Variants in SEMA3C observed in about 807,000 individuals in gnomAD.
The protein encoded by SEMA3C is semaphorin-3C.
In SEMA3C, 47 loss-of-function variants were observed where a neutral mutation model predicts 89.4. The observed-to-expected ratio is 0.53, with a 90% CI of 0.42 to 0.67. SEMA3C has a LOEUF of 0.67. SEMA3C is among the 30% of genes least tolerant of loss of function. The pLI is 0.00. For synonymous variants in SEMA3C, 310 were observed against 320.2 expected (o/e 0.97, Z 0.34); for missense variants, 839 against 929.1 (o/e 0.90, Z 1.26).
At chr7:80,919,162 A>C (rs1254888877), upstream of SEMA3C, 14 of 984,346 alleles carry the variant, frequency 1.4e-5, no homozygotes, top group African/African-American at 3.5e-5. Context: ...TCGCATCACC[A>C]CCGCGCAGCC....
intron 2 of SEMA3C, among the ~76,000 whole-genome samples, chr7:80,834,878 G>A (rs1382746931): frequency 6.6e-6 from 1 of 152,108 alleles, no homozygotes; most frequent in East Asian, 1.9e-4. Context: ...TTAATGCTAT[G>A]TAAATAGTTG....
rs796366343 is a variant in SEMA3C at position 80,754,963 on chromosome 7, T to TTTTTGTTTTTTTTGTTTTTTG, written c.1643+3367_1643+3368insCAAAAAACAAAAAAAACAAAA. On this transcript the variant is annotated intron_variant, in intron 15 of 17. Coordinates refer to ENST00000265361, the MANE Select transcript of SEMA3C (RefSeq NM_006379.5). The stretch of plus-strand genomic sequence containing the variant: ...TGGCGAATTGTTTTTTTTTGTTTTT[T>TTTTTGTTTTTTTTGTTTTTTG]TTTTTTTTGTATTTTTAGTAGAGAT... Among the ~76,000 whole-genome samples, 18 of 131,164 alleles carry TTTTTGTTTTTTTTGTTTTTTG rather than the reference T, an allele frequency of 1.4e-4. 2 individuals are homozygous for TTTTTGTTTTTTTTGTTTTTTG. In the South Asian group the frequency reaches 4.3e-3, roughly 31 times the overall value. The allele number at this position is 131,164 out of a possible 152,430, so 86.0% of individuals were successfully genotyped here. A position where few individuals can be genotyped will look rare whatever the true frequency, so the allele number is the denominator to read the frequency against.
intron 13 of SEMA3C, 22 bp downstream of exon 13, chr7:80,765,133 T>G (rs10085732): frequency 0.032 from 49,899 of 1,554,328 alleles, 1,626 homozygotes; most frequent in African/African-American, 0.16. Context: ...TGTTCTGAGA[T>G]TAATAGAAGA....
intron 2 of SEMA3C, among the ~76,000 whole-genome samples, chr7:80,895,748 T>G (rs932130235): frequency 6.6e-6 from 1 of 152,128 alleles, no homozygotes; most frequent in African/African-American, 2.4e-5. Flanking sequence ...AAAAATCTTG[T>G]TAAAGATACA....
At chr7:80,905,021 CT>C (rs1391998613) in intron 2 of SEMA3C, among the ~76,000 whole-genome samples, 2 of 151,314 alleles carry the variant, frequency 1.3e-5, no homozygotes, top group Non-Finnish European at 2.9e-5. Flanking sequence ...TGGCAAACTG[CT>C]GATGAAAATG....
At chr7:80,908,557 A>T (rs1482836962) in intron 2 of SEMA3C, among the ~76,000 whole-genome samples, 1 of 152,190 alleles carries the variant, frequency 6.6e-6, no homozygotes, top group African/African-American at 2.4e-5. Context: ...CTGGAAAAAA[A>T]GAAAAGCAGG....
chr7:80,797,672 TA>T (rs1477663137), intron 11 of SEMA3C, among the ~76,000 whole-genome samples: 1 of 152,190 alleles, frequency 6.6e-6, no homozygotes, highest in Non-Finnish European at 1.5e-5. Context: ...GAAGTATCTC[TA>T]AATTATTTCT....
chr7:80,815,347 A>T (rs1254978433), intron 5 of SEMA3C, among the ~76,000 whole-genome samples: 3 of 152,052 alleles, frequency 2.0e-5, no homozygotes, highest in Non-Finnish European at 4.4e-5. Flanking sequence ...CATTAATTAA[A>T]CAGTTTTAGT....
intron 2 of SEMA3C, among the ~76,000 whole-genome samples, chr7:80,894,464 C>G (rs1791687079): frequency 6.6e-6 from 1 of 152,042 alleles, no homozygotes; most frequent in Non-Finnish European, 1.5e-5. Context: ...ATGTAGCACT[C>G]ATAGCCACAT....
Position 80,911,696 on chromosome 7 carries a change from C to T in SEMA3C, c.103+4983G>A, listed in dbSNP as rs547955681. 2.1e-4 allele frequency among the ~76,000 whole-genome samples: 32 copies of T among 151,456 alleles called. No homozygotes were observed. In the East Asian group the frequency reaches 5.7e-3, roughly 27 times the overall value. ...TGGCTCAGGCTGGAGTACAATGGCACGACCTCGACTCACTGCAAGCTCTGC... is the reference window on the plus strand; with the variant it reads ...TGGCTCAGGCTGGAGTACAATGGCATGACCTCGACTCACTGCAAGCTCTGC... On this transcript the variant is annotated intron_variant, in intron 2 of 17. Transcript: ENST00000265361.
chr7:80,755,966 C>G (rs1788056453), intron 15 of SEMA3C, among the ~76,000 whole-genome samples: 1 of 152,102 alleles, frequency 6.6e-6, no homozygotes, highest in Admixed American at 6.6e-5. Flanking sequence ...TGGAGGAACA[C>G]AGTCTTGGAA....
chr7:80,896,978 G>T (rs563873870), intron 2 of SEMA3C, among the ~76,000 whole-genome samples: 2 of 152,172 alleles, frequency 1.3e-5, no homozygotes, highest in Admixed American at 1.3e-4. Context: ...ACAGTGTGTG[G>T]CAGGGTAGCA....
intron 12 of SEMA3C, among the ~76,000 whole-genome samples, chr7:80,773,439 A>C (rs1406336118): frequency 6.6e-6 from 1 of 152,212 alleles, no homozygotes; most frequent in African/African-American, 2.4e-5. Context: ...GGGCAATATG[A>C]CCATTAACCA....
chr7:80,777,229 A>G (rs1238004835), intron 12 of SEMA3C, among the ~76,000 whole-genome samples: 2 of 152,184 alleles, frequency 1.3e-5, no homozygotes, highest in African/African-American at 4.8e-5. Flanking sequence ...TTGAATGCTA[A>G]AATATATTCC....
At position 80,744,973 on chromosome 7, in the gene SEMA3C, C is replaced by T. The variant is rs764698192; in HGVS notation, c.2177G>A (p.Arg726Lys). 2 of 1,614,106 alleles carry T rather than the reference C, an allele frequency of 1.2e-6. No homozygotes were observed. The highest frequency in any genetic ancestry group is 1.7e-5 in the Admixed American group (1 of 60,002). Residue 726 changes from arginine (R) to lysine (K), a missense_variant, in exon 18 of 18, where the codon AGA becomes AAA. Physicochemically the swap from Arg to Lys is conservative, Grantham distance 26 (BLOSUM62 2). Transcript: ENST00000265361. ...HQQGDESQKM[R>K]GDYGKLKALI... The stretch of plus-strand genomic sequence containing the variant: ...GGCCTTTAACTTGCCATAGTCCCCT[C>T]TCATTTTCTGTGATTCATCTCCCTG...
chr7:80,831,910 T>G (rs184717148), intron 2 of SEMA3C, among the ~76,000 whole-genome samples: 1 of 152,236 alleles, frequency 6.6e-6, no homozygotes, highest in African/African-American at 2.4e-5. Flanking sequence ...GGAGATATAT[T>G]TGGTAGAGAA....
At chr7:80,916,571 T>A (rs1792279621) in intron 2 of SEMA3C, 108 bp downstream of exon 2, 2 of 978,512 alleles carry the variant, frequency 2.0e-6, no homozygotes, top group African/African-American at 3.3e-5. Flanking sequence ...TAAATATTTT[T>A]AAAATTAATA....
chr7:80,817,561 G>T (rs754657189), intron 5 of SEMA3C, among the ~76,000 whole-genome samples: 9 of 152,064 alleles, frequency 5.9e-5, no homozygotes, highest in Non-Finnish European at 1.3e-4. Flanking sequence ...TGTGGACTGG[G>T]ATAACAAAGA....
chr7:80,899,514 T>C (rs1459818241), intron 2 of SEMA3C, among the ~76,000 whole-genome samples: 1 of 152,220 alleles, frequency 6.6e-6, no homozygotes, highest in African/African-American at 2.4e-5. Flanking sequence ...AGTTCTACTT[T>C]TTTTCTTCTC....
Sources: allele counts gnomAD v4.1 joint callset (sites outside exome capture counted in the v4.1 genomes callset), GRCh38; gene constraint gnomAD v4.1.1; transcripts MANE v1.5; gene names NCBI Gene and HGNC (gene_info 2026-07-23, HGNC 2026-07-21).